The following CADM1 variants were observed in gnomAD, a reference collection of about 807,000 sequenced individuals.
The protein encoded by CADM1 is TSLC-1.
A neutral mutation model predicts 53.1 loss-of-function variants in CADM1; 15 were observed. The ratio of observed to expected loss-of-function variants is 0.28; its 90% CI spans 0.19 to 0.44. CADM1 has a LOEUF of 0.44. Among genes scored for constraint, CADM1 ranks in the 20% least tolerant of loss-of-function variants. The pLI is 1.00. For synonymous variants in CADM1, 281 were observed against 243.0 expected (o/e 1.16, Z -1.45); for missense variants, 434 against 611.3 (o/e 0.71, Z 3.06).
intron 1 of CADM1, among the ~76,000 whole-genome samples, chr11:115,364,982 T>C (rs182331335): frequency 2.4e-4 from 36 of 152,350 alleles, no homozygotes; most frequent in Admixed American, 1.0e-3. Context: ...TAGCTATTTG[T>C]AGATGTTTAT....
chr11:115,437,287 T>C (rs1341676543), intron 1 of CADM1, among the ~76,000 whole-genome samples: 1 of 152,198 alleles, frequency 6.6e-6, no homozygotes, highest in Non-Finnish European at 1.5e-5. Context: ...TTTCTTGGTC[T>C]GAAAAGGAAA....
chr11:115,282,854 A>G (rs1943625197), intron 1 of CADM1, among the ~76,000 whole-genome samples: 1 of 152,194 alleles, frequency 6.6e-6, no homozygotes. Flanking sequence ...CTTATATTAA[A>G]ATGGAAACGA....
intron 1 of CADM1, among the ~76,000 whole-genome samples, chr11:115,434,218 G>T (rs1316022338): frequency 6.6e-6 from 1 of 151,856 alleles, no homozygotes; most frequent in Non-Finnish European, 1.5e-5. Flanking sequence ...CTCCTCTTTG[G>T]TTCCCAAAAG....
At chr11:115,442,633 G>A (rs1039457901) in intron 1 of CADM1, among the ~76,000 whole-genome samples, 5 of 152,120 alleles carry the variant, frequency 3.3e-5, no homozygotes, top group Non-Finnish European at 5.9e-5. Context: ...ATCACTCCTG[G>A]GAAAGAAACT....
chr11:115,345,029 G>A (rs1945540924), intron 1 of CADM1, among the ~76,000 whole-genome samples: 2 of 151,984 alleles, frequency 1.3e-5, no homozygotes, highest in African/African-American at 4.8e-5. Flanking sequence ...AAAGTATTCG[G>A]CAGAATCCCA....
chr11:115,361,890 TTTTTG>T (rs541768138), intron 1 of CADM1, among the ~76,000 whole-genome samples: 17 of 86,906 alleles, frequency 2.0e-4, no homozygotes, highest in South Asian at 5.7e-4. Flanking sequence ...CACACCCGAG[TTTTTG>T]TTTTGTTTTG....
Position 115,320,310 on chromosome 11 carries a change from G to A in CADM1, c.125-79890C>T, listed in dbSNP as rs145465358. Among the ~76,000 whole-genome samples the A allele has an allele frequency of 1.8e-3, 277 of 152,100 alleles. 1 individual carries two copies. The highest frequency in any genetic ancestry group is 6.3e-3 in the African/African-American group (263 of 41,502). ...ACTCCTGGGCTCAAGCAATCCTCCC[G>A]TCTTGGCATCCCAAAGTGCTGGGAT... On this transcript the variant is annotated intron_variant, in intron 1 of 11. Coordinates refer to ENST00000331581, the MANE Select transcript of CADM1 (RefSeq NM_001301043.2).
At chr11:115,308,211 T>TATATATATATATATATATATATATATAC (rs139012671) in intron 1 of CADM1, among the ~76,000 whole-genome samples, 61 of 139,390 alleles carry the variant, frequency 4.4e-4, no homozygotes, top group African/African-American at 1.5e-3. Flanking sequence ...TATATATATA[T>TATATATATATATATATATATATATATAC]ACACACCTAT....
chr11:115,261,150 C>T (rs996015379), intron 1 of CADM1, among the ~76,000 whole-genome samples: 6 of 152,084 alleles, frequency 3.9e-5, no homozygotes, highest in African/African-American at 1.4e-4. Context: ...ATTATGGGCA[C>T]AATGTTTCTT....
At chr11:115,246,876 C>G (rs537001135) in intron 1 of CADM1, among the ~76,000 whole-genome samples, 1 of 152,148 alleles carries the variant, frequency 6.6e-6, no homozygotes, top group Non-Finnish European at 1.5e-5. Flanking sequence ...TTTAATTTAA[C>G]ATTTTATAAT....
chr11:115,413,414 A>T (rs984523664), intron 1 of CADM1, among the ~76,000 whole-genome samples: 10 of 152,138 alleles, frequency 6.6e-5, no homozygotes, highest in African/African-American at 2.4e-4. Context: ...AAATCAAATC[A>T]CAATAACTCC....
At chr11:115,351,084 A>G (rs1945723088) in intron 1 of CADM1, among the ~76,000 whole-genome samples, 1 of 152,094 alleles carries the variant, frequency 6.6e-6, no homozygotes, top group Non-Finnish European at 1.5e-5. Context: ...ACATCATGAC[A>G]TTTTAGAAAG....
At chr11:115,390,834 C>G (rs1340407139) in intron 1 of CADM1, among the ~76,000 whole-genome samples, 1 of 152,130 alleles carries the variant, frequency 6.6e-6, no homozygotes, top group Non-Finnish European at 1.5e-5. Flanking sequence ...TAAATGTACC[C>G]TGGTTTGAGT....
intron 1 of CADM1, among the ~76,000 whole-genome samples, chr11:115,408,236 C>T (rs902232075): frequency 1.3e-5 from 2 of 152,118 alleles, no homozygotes; most frequent in African/African-American, 4.8e-5. Flanking sequence ...ATGACGTCCC[C>T]CTTAAAAAAT....
Position 115,172,750 on chromosome 11 carries a change from TTTTTTTTTA to T in CADM1, c.*3715_*3723del, listed in dbSNP as rs1179263892. 0.59 allele frequency: 58,561 copies of T among 99,368 alleles called. 17,627 individuals are homozygous for T. The highest frequency in any genetic ancestry group is 0.64 in the Non-Finnish European group (35,630 of 55,922). 6.2% of individuals were successfully genotyped at this position (99,368 alleles called of 1,614,324 possible). A position where few individuals can be genotyped will look rare whatever the true frequency, so the allele number is the denominator to read the frequency against. On this transcript the variant is annotated 3_prime_UTR_variant, in exon 12 of 12. Transcript: ENST00000331581. ...ATTTTTTTTTTTTTTTTTTTTTTTT[TTTTTTTTTA>T]ACAGAGACAGGTAAGAGACCAGGCC...
intron 1 of CADM1, among the ~76,000 whole-genome samples, chr11:115,320,236 T>G (rs2135185877): frequency 6.6e-6 from 1 of 152,180 alleles, no homozygotes; most frequent in South Asian, 2.1e-4. Flanking sequence ...TCCTTAAAAT[T>G]ATTTTTTATA....
intron 1 of CADM1, among the ~76,000 whole-genome samples, chr11:115,373,856 T>A (rs1946374815): frequency 6.6e-6 from 1 of 152,138 alleles, no homozygotes; most frequent in African/African-American, 2.4e-5. Context: ...CCAATGCTGG[T>A]GTCAGGATTT....
In CADM1 at chr11:115,370,314, A is replaced by G. The variant is rs61905806; in HGVS notation, c.125-129894T>C. On this transcript the variant is annotated intron_variant, in intron 1 of 11. Transcript: ENST00000331581. ...GAAAGCTTCAGGTTCACAGAACACTATAACTTGTGGCTGCTGATATACACC... is the reference window on the plus strand; with the variant it reads ...GAAAGCTTCAGGTTCACAGAACACTGTAACTTGTGGCTGCTGATATACACC... Among the ~76,000 whole-genome samples the G allele has an allele frequency of 8.2e-3, 1,251 of 152,320 alleles. 9 individuals carry two copies. The highest frequency in any genetic ancestry group is 0.02 in the Middle Eastern group (6 of 294).
intron 1 of CADM1, among the ~76,000 whole-genome samples, chr11:115,396,280 T>A (rs1004655553): frequency 6.6e-6 from 1 of 152,162 alleles, no homozygotes; most frequent in African/African-American, 2.4e-5. Context: ...AGATTTAAGA[T>A]AGAAGAAAGT....
Sources: gnomAD v4.1 joint callset for allele counts (sites outside exome capture counted in the v4.1 genomes callset) on GRCh38, gnomAD v4.1.1 for gene constraint, MANE v1.5 for transcripts, NCBI Gene and HGNC (gene_info 2026-07-23, HGNC 2026-07-21) for gene names.